The following SETBP1 variants were observed in gnomAD, a reference collection of about 807,000 sequenced individuals.
SETBP1 encodes the protein SET-binding protein.
Under a neutral mutation model 101.0 loss-of-function variants are expected in SETBP1, and 9 were observed. The observed-to-expected ratio is 0.09, with a 90% CI of 0.05 to 0.16. SETBP1 has a LOEUF of 0.16. SETBP1 is among the 10% of genes least tolerant of loss of function. SETBP1 has a pLI of 1.00. For synonymous variants in SETBP1, 818 were observed against 788.5 expected (o/e 1.04, Z -0.63); for missense variants, 1,858 against 2,033.8 (o/e 0.91, Z 1.66).
intron 2 of SETBP1, among the ~76,000 whole-genome samples, chr18:44,829,597 G>C (rs183849601): frequency 3.2e-4 from 48 of 152,250 alleles, no homozygotes; most frequent in African/African-American, 1.1e-3. Flanking sequence ...TCATCATTAG[G>C]CACCTACTGT....
At chr18:44,905,182 C>T (rs1219020531) in intron 3 of SETBP1, among the ~76,000 whole-genome samples, 1 of 152,052 alleles carries the variant, frequency 6.6e-6, no homozygotes. Flanking sequence ...TAAAGGGAAC[C>T]TCAATAAAAC....
intron 4 of SETBP1, among the ~76,000 whole-genome samples, chr18:44,996,930 GT>G (rs2072509645): frequency 6.6e-6 from 1 of 152,230 alleles, no homozygotes; most frequent in Non-Finnish European, 1.5e-5. Context: ...AGTGAGATGG[GT>G]ACAGGCAGGT....
chr18:44,821,424 C>G (rs570348110), intron 2 of SETBP1, among the ~76,000 whole-genome samples: 8 of 152,316 alleles, frequency 5.3e-5, no homozygotes, highest in African/African-American at 1.9e-4. Context: ...GGGGCCCTAC[C>G]TCTGCCTCAA....
chr18:44,893,050 A>G (rs1224491641), intron 3 of SETBP1, among the ~76,000 whole-genome samples: 3 of 152,172 alleles, frequency 2.0e-5, no homozygotes, highest in Admixed American at 6.6e-5. Context: ...ATCTAGGATT[A>G]TGATGACTAT....
chr18:44,801,624 A>G (rs1329904898), intron 2 of SETBP1, among the ~76,000 whole-genome samples: 1 of 152,208 alleles, frequency 6.6e-6, no homozygotes, highest in Non-Finnish European at 1.5e-5. Flanking sequence ...GTGTTTCTCA[A>G]CATTGGGACC....
intron 2 of SETBP1, among the ~76,000 whole-genome samples, chr18:44,736,238 G>T (rs936504122): frequency 6.6e-6 from 1 of 152,136 alleles, no homozygotes; most frequent in African/African-American, 2.4e-5. Flanking sequence ...AGTTAGTCAG[G>T]CATGGTGGTG....
chr18:44,949,530 C>G (rs984033151), intron 3 of SETBP1, among the ~76,000 whole-genome samples: 5 of 152,186 alleles, frequency 3.3e-5, no homozygotes, highest in African/African-American at 1.2e-4. Flanking sequence ...TGTAAAATAG[C>G]ATGTAAAAAT....
rs191441779 is a variant in SETBP1 at position 44,900,913 on chromosome 18, G to A, written c.540+31630G>A. ...AGGAAGGGTGTGGATTTGAGTCCAAGCCTTCCAATTCTAAGCCCAGGGACT... is the reference window on the plus strand; with the variant it reads ...AGGAAGGGTGTGGATTTGAGTCCAAACCTTCCAATTCTAAGCCCAGGGACT... On this transcript the variant is annotated intron_variant, in intron 3 of 5. Transcript: ENST00000649279. Among the ~76,000 whole-genome samples the A allele has an allele frequency of 1.3e-4, 20 of 152,290 alleles. No homozygotes were observed. In the East Asian group the frequency reaches 3.7e-3, roughly 28 times the overall value.
intron 4 of SETBP1, among the ~76,000 whole-genome samples, chr18:44,991,855 C>T (rs985379611): frequency 1.3e-5 from 2 of 152,008 alleles, no homozygotes; most frequent in Non-Finnish European, 2.9e-5. Flanking sequence ...ACATGTAGAA[C>T]AATAATAAAA....
chr18:44,939,870 T>G (rs2071047976), intron 3 of SETBP1, among the ~76,000 whole-genome samples: 1 of 152,216 alleles, frequency 6.6e-6, no homozygotes, highest in Non-Finnish European at 1.5e-5. Context: ...ACAGCATATT[T>G]TGACAAACGT....
intron 3 of SETBP1, among the ~76,000 whole-genome samples, chr18:44,928,629 G>C (rs1445174391): frequency 6.6e-6 from 1 of 152,172 alleles, no homozygotes; most frequent in African/African-American, 2.4e-5. Context: ...ATTCTAACTG[G>C]TGTGAGATGG....
At chr18:44,980,175 G>A (rs2072080564) in intron 4 of SETBP1, among the ~76,000 whole-genome samples, 1 of 152,236 alleles carries the variant, frequency 6.6e-6, no homozygotes, top group South Asian at 2.1e-4. Context: ...TTGAGAAGAT[G>A]TAGAGTGATT....
At chr18:44,956,588 C>T (rs1279990550) in intron 4 of SETBP1, among the ~76,000 whole-genome samples, 1 of 152,176 alleles carries the variant, frequency 6.6e-6, no homozygotes, top group Non-Finnish European at 1.5e-5. Flanking sequence ...TGTCCTATTT[C>T]ACATGAGCTA....
rs371266822 is a variant in SETBP1 at position 45,054,506 on chromosome 18, C to CAAAT, written c.4172-8571_4172-8568dup. 8.0e-3 allele frequency among the ~76,000 whole-genome samples: 1,216 copies of CAAAT among 152,270 alleles called. 20 individuals are homozygous for CAAAT. Among genetic ancestry groups the CAAAT allele is most frequent in the African/African-American group, 0.027 (1,130 of 41,550 alleles). The stretch of plus-strand genomic sequence containing the variant: ...CAGCTGACTATTTATAAGTGGCTGA[C>CAAAT]AAATAGCATCTCCAGAAAATCCCCC... On this transcript the variant is annotated intron_variant, in intron 5 of 5. Coordinates refer to ENST00000649279, the MANE Select transcript of SETBP1 (RefSeq NM_015559.3).
At chr18:45,048,988 A>G (rs1421592570) in intron 5 of SETBP1, among the ~76,000 whole-genome samples, 4 of 146,994 alleles carry the variant, frequency 2.7e-5, no homozygotes, top group African/African-American at 1.0e-4. Flanking sequence ...CAAAAAAAAA[A>G]AAAAAAAAAA....
intron 3 of SETBP1, among the ~76,000 whole-genome samples, chr18:44,906,675 A>G (rs1009634616): frequency 1.7e-4 from 26 of 152,206 alleles, no homozygotes; most frequent in Admixed American, 1.4e-3. Flanking sequence ...TTAAAGGACA[A>G]AACTCAACAA....
chr18:44,765,258 A>AG (rs1002970045), intron 2 of SETBP1, among the ~76,000 whole-genome samples: 3 of 151,446 alleles, frequency 2.0e-5, no homozygotes, highest in Non-Finnish European at 4.4e-5. Context: ...TTCCCTCTGT[A>AG]GGAAAAAAAA....
chr18:44,830,093 G>A (rs1281346296), intron 2 of SETBP1, among the ~76,000 whole-genome samples: 3 of 152,136 alleles, frequency 2.0e-5, no homozygotes, highest in African/African-American at 7.2e-5. Flanking sequence ...AGGTAAATAA[G>A]TTTGGGGAAA....
chr18:44,701,441 G>A lies in SETBP1; in HGVS notation c.95G>A (p.Gly32Asp). The A allele has an allele frequency of 1.2e-6, 2 of 1,609,726 alleles. No homozygotes were observed. The highest frequency in any genetic ancestry group is 1.7e-6 in the Non-Finnish European group (2 of 1,177,494). The change falls in exon 2 of 6, where the codon GGC (glycine) becomes GAC (aspartate). Residue 32 changes from glycine (G) to aspartate (D), a missense_variant. By Grantham distance (94) the Gly-to-Asp change is moderately conservative (BLOSUM62 -1). Coordinates refer to ENST00000649279, the MANE Select transcript of SETBP1 (RefSeq NM_015559.3). Reference protein sequence around the residue: ...VSSAKPPAAPGCAGEPLLSTP... With the variant: ...VSSAKPPAAPDCAGEPLLSTP... Reference sequence around the variant, plus strand: ...TCAGCCAAGCCCCCAGCTGCTCCTGGCTGTGCAGGAGAACCTTTGCTCTCC... The same window carrying A: ...TCAGCCAAGCCCCCAGCTGCTCCTGACTGTGCAGGAGAACCTTTGCTCTCC...
Sources: gnomAD v4.1 joint callset for allele counts (sites outside exome capture counted in the v4.1 genomes callset) on GRCh38, gnomAD v4.1.1 for gene constraint, MANE v1.5 for transcripts, NCBI Gene and HGNC (gene_info 2026-07-23, HGNC 2026-07-21) for gene names.